Variants in NOS1AP observed in about 807,000 individuals in gnomAD.
The protein encoded by NOS1AP is carboxyl-terminal PDZ ligand of neuronal nitric oxide synthase protein.
A neutral mutation model predicts 56.2 loss-of-function variants in NOS1AP; 21 were observed. The ratio of observed to expected loss-of-function variants is 0.37; its 90% CI spans 0.26 to 0.54. NOS1AP has a LOEUF of 0.54. NOS1AP is among the 20% of genes least tolerant of loss of function. The pLI is 0.84. For missense variants in NOS1AP, 522 were observed against 657.8 expected, an observed-to-expected ratio of 0.79 and a Z score of 2.26; for synonymous variants, 270 against 274.6, an observed-to-expected ratio of 0.98 and a Z score of 0.17.
At chr1:162,360,374 A>T (rs143756479) in intron 8 of NOS1AP, among the ~76,000 whole-genome samples, 9 of 152,306 alleles carry the variant, frequency 5.9e-5, no homozygotes, top group Non-Finnish European at 1.0e-4. Context: ...AGTATAGCTA[A>T]GCCTCGAAGC....
chr1:162,153,379 T>C (rs1649800859), intron 1 of NOS1AP, among the ~76,000 whole-genome samples: 1 of 152,222 alleles, frequency 6.6e-6, no homozygotes, highest in South Asian at 2.1e-4. Flanking sequence ...TCTCCTTGCC[T>C]CAGCCTCCCA....
chr1:162,087,836 A>G (rs1185442533), intron 1 of NOS1AP, among the ~76,000 whole-genome samples: 3 of 152,110 alleles, frequency 2.0e-5, no homozygotes, highest in Non-Finnish European at 4.4e-5. Context: ...TCTCTCTTTG[A>G]GGCGTGGGAG....
At chr1:162,262,642 A>G (rs1654274562) in intron 2 of NOS1AP, among the ~76,000 whole-genome samples, 2 of 152,212 alleles carry the variant, frequency 1.3e-5, no homozygotes, top group Non-Finnish European at 2.9e-5. Context: ...ATTTACAGCC[A>G]CTTTTAATAG....
chr1:162,225,826 A>G (rs1251728133), intron 2 of NOS1AP, among the ~76,000 whole-genome samples: 1 of 152,226 alleles, frequency 6.6e-6, no homozygotes, highest in Non-Finnish European at 1.5e-5. Flanking sequence ...TGTCATTAGG[A>G]TAGAATAGGC....
chr1:162,355,271 G>T lies in NOS1AP; in HGVS notation c.680G>T (p.Gly227Val). The T allele has an allele frequency of 6.2e-7, 1 of 1,614,154 alleles. No individual in the cohort carries two copies. Among genetic ancestry groups the T allele is most frequent in the Non-Finnish European group, 8.5e-7 (1 of 1,180,036 alleles). Residue 227 changes from glycine to valine, a missense_variant, in exon 7 of 10, where the codon GGG becomes GTG. Around this residue, in one of 4 missense-constraint regions of NOS1AP, gnomAD observed 178 missense variants for 165.0 expected, o/e 1.08. Transcript: ENST00000361897. ...DIDAVEVPLP[G>V]NDVLEFSRGV... ...GATGCGGTGGAGGTCCCACTTCCAG[G>T]GAATGATGTCCTGGAATTCAGCCGA...
chr1:162,119,469 T>C (rs1349221528), intron 1 of NOS1AP, among the ~76,000 whole-genome samples: 1 of 152,212 alleles, frequency 6.6e-6, no homozygotes, highest in Non-Finnish European at 1.5e-5. Context: ...CAGAAATCTC[T>C]TTTGGGTTTA....
At chr1:162,275,281 G>A (rs943315067) in intron 2 of NOS1AP, among the ~76,000 whole-genome samples, 1 of 151,974 alleles carries the variant, frequency 6.6e-6, no homozygotes, top group South Asian at 2.1e-4. Context: ...GGGTTCCAGC[G>A]ATTCTCTTGC....
At chr1:162,348,061 A>G (rs897087028) in intron 6 of NOS1AP, among the ~76,000 whole-genome samples, 1 of 152,206 alleles carries the variant, frequency 6.6e-6, no homozygotes, top group African/African-American at 2.4e-5. Flanking sequence ...CCAGACATAT[A>G]GCATAGCGTC....
At chr1:162,252,746 G>T (rs1653906845) in intron 2 of NOS1AP, among the ~76,000 whole-genome samples, 1 of 152,200 alleles carries the variant, frequency 6.6e-6, no homozygotes, top group South Asian at 2.1e-4. Context: ...TTATAGCTGT[G>T]TATTCAATAT....
chr1:162,363,583 A>G, intron 8 of NOS1AP: 1 of 159,646 alleles, frequency 6.3e-6, no homozygotes, highest in Non-Finnish European at 1.3e-5. Flanking sequence ...GAAAAATCCT[A>G]TCCTCTAATC....
At chr1:162,289,322 G>T (rs942701731) in intron 3 of NOS1AP, among the ~76,000 whole-genome samples, 2 of 143,682 alleles carry the variant, frequency 1.4e-5, no homozygotes, top group Non-Finnish European at 3.0e-5. Flanking sequence ...CTTCTTGATG[G>T]AGTTTCATTC....
intron 3 of NOS1AP, among the ~76,000 whole-genome samples, chr1:162,289,271 T>TC (rs1221821426): frequency 3.5e-5 from 2 of 56,470 alleles, no homozygotes; most frequent in African/African-American, 9.4e-5. Context: ...CTTCCTTCCT[T>TC]CCTTCCTTTC....
intron 2 of NOS1AP, among the ~76,000 whole-genome samples, chr1:162,253,096 G>A (rs1653919454): frequency 6.6e-6 from 1 of 152,200 alleles, no homozygotes; most frequent in Admixed American, 6.5e-5. Flanking sequence ...AGGTGATTAG[G>A]TGAAAAGGGC....
intron 1 of NOS1AP, among the ~76,000 whole-genome samples, chr1:162,118,340 C>T (rs1286958977): frequency 2.0e-5 from 3 of 152,160 alleles, no homozygotes; most frequent in South Asian, 2.1e-4. Flanking sequence ...CACTTATAAG[C>T]GAGAACATGT....
intron 2 of NOS1AP, among the ~76,000 whole-genome samples, chr1:162,198,795 G>A (rs906741285): frequency 2.0e-5 from 3 of 152,134 alleles, no homozygotes; most frequent in African/African-American, 7.2e-5. Context: ...GGCATACTCA[G>A]TGCCTGCCTC....
intron 2 of NOS1AP, among the ~76,000 whole-genome samples, chr1:162,173,851 A>G (rs957659386): frequency 1.3e-5 from 2 of 152,256 alleles, no homozygotes; most frequent in African/African-American, 4.8e-5. Context: ...AATCAAAACC[A>G]CAATGAGATA....
intron 2 of NOS1AP, among the ~76,000 whole-genome samples, chr1:162,278,225 T>A (rs1295809973): frequency 6.6e-6 from 1 of 152,140 alleles, no homozygotes; most frequent in Admixed American, 6.5e-5. Context: ...ACAAGAGCTA[T>A]GAAGGTTCAT....
At chr1:162,155,226 A>T (rs1306363864) in intron 2 of NOS1AP, among the ~76,000 whole-genome samples, 1 of 63,204 alleles carries the variant, frequency 1.6e-5, no homozygotes, top group Non-Finnish European at 4.8e-5. Context: ...GCCTTTATAC[A>T]TATATATATA....
chr1:162,231,970 CT>C (rs1471439663), intron 2 of NOS1AP, among the ~76,000 whole-genome samples: 1 of 152,220 alleles, frequency 6.6e-6, no homozygotes, highest in African/African-American at 2.4e-5. Flanking sequence ...TTGGTTTCTT[CT>C]TCCTACATTT....
Sources: allele counts gnomAD v4.1 joint callset (sites outside exome capture counted in the v4.1 genomes callset), GRCh38; gene constraint gnomAD v4.1.1; regional missense constraint gnomAD v4.1.1; transcripts MANE v1.5; gene names NCBI Gene and HGNC (gene_info 2026-07-23, HGNC 2026-07-21).